The following PKD1L1 variants were observed in gnomAD, a reference collection of about 807,000 sequenced individuals.
PKD1L1 encodes the protein polycystin 1 like 1, transient receptor potential channel interacting.
PKD1L1 carries 236 observed loss-of-function variants against 323.4 expected under a neutral mutation model. The ratio of observed to expected loss-of-function variants is 0.73; its 90% confidence interval spans 0.66 to 0.81. The LOEUF (loss-of-function observed/expected upper bound fraction) is 0.81. PKD1L1 is among the 40% of genes least tolerant of loss of function. The pLI is 0.00. For missense variants in PKD1L1, 3,320 were observed against 3,508.0 expected, an observed-to-expected ratio of 0.95 and a Z score of 1.35; for synonymous variants, 1,344 against 1,335.0, an observed-to-expected ratio of 1.01 and a Z score of -0.15.
intron 52 of PKD1L1, 32 bp downstream of exon 52, chr7:47,808,215 T>C (rs1386639412): frequency 2.0e-5 from 33 of 1,612,042 alleles, no homozygotes; most frequent in Non-Finnish European, 2.7e-5. Context: ...GTGCATGGCC[T>C]CTATCTGCAT....
At chr7:47,797,615 G>A (rs767026337) in intron 54 of PKD1L1, among the ~76,000 whole-genome samples, 2 of 152,174 alleles carry the variant, frequency 1.3e-5, no homozygotes, top group Non-Finnish European at 1.5e-5. Flanking sequence ...AGGTGCCTAA[G>A]CACGACATTC....
intron 44 of PKD1L1, 130 bp from the exon 45 acceptor site, chr7:47,827,598 A>T: frequency 1.4e-6 from 1 of 718,124 alleles, no homozygotes; most frequent in Non-Finnish European, 2.2e-6. Context: ...GGGAACAAAG[A>T]GGTACTTTGT....
intron 56 of PKD1L1, among the ~76,000 whole-genome samples, chr7:47,788,681 C>T (rs1273476582): frequency 4.6e-5 from 7 of 150,980 alleles, no homozygotes; most frequent in African/African-American, 9.7e-5. Context: ...CAGCAATCTC[C>T]GCCTCCCAGG....
chr7:47,882,221 G>A (rs1786573933), intron 19 of PKD1L1, 136 bp from the exon 20 acceptor site: 1 of 942,838 alleles, frequency 1.1e-6, no homozygotes, highest in Admixed American at 2.8e-5. Context: ...AATGTCTTCA[G>A]CAGCCAAACA....
intron 3 of PKD1L1, 115 bp downstream of exon 3, chr7:47,940,078 G>T: frequency 1.5e-6 from 2 of 1,376,682 alleles, no homozygotes; most frequent in Non-Finnish European, 2.0e-6. Context: ...AAACACACAT[G>T]ATAGGAAAAC....
intron 52 of PKD1L1, among the ~76,000 whole-genome samples, chr7:47,805,888 G>A (rs1284381687): frequency 1.3e-5 from 2 of 152,174 alleles, no homozygotes; most frequent in Non-Finnish European, 2.9e-5. Flanking sequence ...CAACATACAC[G>A]TGATTATATA....
chr7:47,809,343 T>TA (rs1352258344), intron 51 of PKD1L1, 130 bp downstream of exon 51: 2 of 675,972 alleles, frequency 3.0e-6, no homozygotes, highest in Non-Finnish European at 4.9e-6. Context: ...AGATTAACAC[T>TA]ACAGAGGGAG....
chr7:47,895,637 A>C (rs1354283091), intron 14 of PKD1L1, among the ~76,000 whole-genome samples: 1 of 152,174 alleles, frequency 6.6e-6, no homozygotes, highest in African/African-American at 2.4e-5. Flanking sequence ...CTTTATGTTT[A>C]CTTTTGGGTG....
chr7:47,816,665 G>A (rs1246836618), intron 46 of PKD1L1, among the ~76,000 whole-genome samples: 1 of 152,160 alleles, frequency 6.6e-6, no homozygotes, highest in African/African-American at 2.4e-5. Flanking sequence ...GACCAAAATA[G>A]TTCTCAGGAA....
In PKD1L1 at chr7:47,854,886, C is replaced by A. The variant is rs560882815; in HGVS notation, c.4855G>T (p.Val1619Leu). The change falls in exon 30 of 57, where the codon GTA (valine) becomes TTA (leucine). Residue 1619 changes from valine to leucine, a missense_variant. Physicochemically the swap from Val to Leu is conservative, Grantham distance 32 (BLOSUM62 1). Transcript: ENST00000289672. ...VTRAFPVMLL[V>L]RFSEKPTPSD... The stretch of plus-strand genomic sequence containing the variant: ...TAGCTGTCACCATCAACACACCTTA[C>A]TAGCAACATGACGGGAAATGCCCTT... The A allele has an allele frequency of 6.2e-7, 1 of 1,614,074 alleles. No individual in the cohort carries two copies. Among genetic ancestry groups the A allele is most frequent in the Non-Finnish European group, 8.5e-7 (1 of 1,179,992 alleles).
intron 20 of PKD1L1, 32 bp downstream of exon 20, chr7:47,881,877 C>T (rs1262552963): frequency 2.0e-6 from 3 of 1,529,364 alleles, no homozygotes; most frequent in Non-Finnish European, 1.8e-6. Context: ...AGAAACACTG[C>T]AAATTGGAGG....
intron 16 of PKD1L1, among the ~76,000 whole-genome samples, chr7:47,889,843 G>C (rs143464383): frequency 6.6e-6 from 1 of 152,198 alleles, no homozygotes; most frequent in Non-Finnish European, 1.5e-5. Flanking sequence ...GCCCCGATGG[G>C]AGAGTGTCCA....
intron 3 of PKD1L1, among the ~76,000 whole-genome samples, chr7:47,937,253 T>TGGGGGGGGGGGGGGGGGGGGGGGG (rs1787886392): frequency 1.2e-3 from 3 of 2,476 alleles, no homozygotes; most frequent in East Asian, 0.014. Context: ...CGGGACGGGG[T>TGGGGGGGGGGGGGGGGGGGGGGGG]GGGGGTGGGG....
At chr7:47,893,440 T>C (rs1231064099) in intron 15 of PKD1L1, among the ~76,000 whole-genome samples, 2 of 151,986 alleles carry the variant, frequency 1.3e-5, no homozygotes, top group Admixed American at 6.6e-5. Context: ...ACATGGATCA[T>C]GGATGGATCC....
In PKD1L1 at chr7:47,831,212, C is replaced by T; in HGVS notation, c.6473+5G>A. Reference sequence around the variant, plus strand: ...TGAGGATGTTTGAAAAACTCTACAGCTCACCTGTAGGCTAGAAATCCTGTC... The same window carrying T: ...TGAGGATGTTTGAAAAACTCTACAGTTCACCTGTAGGCTAGAAATCCTGTC... On this transcript the variant is annotated splice_donor_5th_base_variant and intron_variant, in intron 42 of 56. Coordinates refer to ENST00000289672, the MANE Select transcript of PKD1L1 (RefSeq NM_138295.5). The T allele has an allele frequency of 2.5e-6, 4 of 1,611,218 alleles. No individual in the cohort carries two copies. The highest frequency in any genetic ancestry group is 3.4e-6 in the Non-Finnish European group (4 of 1,178,960).
At chr7:47,894,391 G>C (rs1274324825) in intron 14 of PKD1L1, among the ~76,000 whole-genome samples, 1 of 152,144 alleles carries the variant, frequency 6.6e-6, no homozygotes, top group Non-Finnish European at 1.5e-5. Context: ...AATTGTTCAG[G>C]CTCCTGGCTT....
In PKD1L1 at chr7:47,946,851, G is replaced by A. The variant is rs986185445; in HGVS notation, c.44+1546C>T. On this transcript the variant is annotated intron_variant, in intron 1 of 56. Transcript: ENST00000289672. The surrounding 1 kb of genome is among the most constrained non-coding windows in gnomAD (Gnocchi z 4.1). ...CGACACCAATTACAATGGCTAGTGC[G>A]TGCATGAACTAGTTGGTCTGCAAGT... 7.2e-6 allele frequency among the ~76,000 whole-genome samples: 1 copy of A among 138,728 alleles called. No homozygotes were observed. The highest frequency in any genetic ancestry group is 1.9e-4 in the East Asian group (1 of 5,200). The allele number at this position is 138,728 out of a possible 152,430, so 91.0% of individuals were successfully genotyped here.
In PKD1L1 at chr7:47,866,471, C is replaced by T. The variant is rs79519739; in HGVS notation, c.4040G>A (p.Arg1347Gln). 8,711 of 1,613,824 alleles carry T rather than the reference C, an allele frequency of 5.4e-3. 109 individuals are homozygous for T. In the East Asian group the frequency reaches 0.054, roughly 10 times the overall value. Residue 1347 changes from arginine (R) to glutamine (Q), a missense_variant, in exon 25 of 57, where the codon CGA (arginine) becomes CAA (glutamine). Transcript: ENST00000289672. ...TGAAGAAATTAATGCATCCTGTATT[C>T]GTGACCATTGGTTGCAGGAGGCAGT... is the stretch of plus-strand genomic sequence containing the variant. Reference protein sequence around the residue: ...DKTASCNQWSRIQDALISSVC... With the variant: ...DKTASCNQWSQIQDALISSVC...
chr7:47,908,216 G>A lies in PKD1L1; in HGVS notation c.1263C>T (p.Asn421=), dbSNP rs373313480. The change falls in exon 9 of 57, where the codon AAC becomes AAT. Residue 421 remains asparagine, a synonymous_variant. Coordinates refer to ENST00000289672, the MANE Select transcript of PKD1L1 (RefSeq NM_138295.5). ...GCTCCACTTCGGTTCCATGAAACTC[G>A]TTATAAATAACAGCCTTGAGCATAT... The part of the protein sequence containing the change: ...GVYMLKAVIY[N]EFHGTEVELG... The A allele has an allele frequency of 2.2e-5, 35 of 1,614,108 alleles. No individual in the cohort carries two copies. Among genetic ancestry groups the A allele is most frequent in the Middle Eastern group, 1.7e-4 (1 of 6,060 alleles).
Sources: gnomAD v4.1 joint callset for allele counts (sites outside exome capture counted in the v4.1 genomes callset) on GRCh38, gnomAD v4.1.1 for gene constraint, Gnocchi (gnomAD v3.1) non-coding constraint, MANE v1.5 for transcripts, NCBI Gene and HGNC (gene_info 2026-07-23, HGNC 2026-07-21) for gene names.